The following GPC6 variants were observed in gnomAD, a reference collection of about 807,000 sequenced individuals.
GPC6 encodes the protein glypican-6.
In GPC6, 14 loss-of-function variants were observed where a neutral mutation model predicts 55.2. The ratio of observed to expected loss-of-function variants is 0.25; its 90% CI spans 0.17 to 0.40. The LOEUF (loss-of-function observed/expected upper bound fraction) is 0.40, where lower values mean the gene tolerates loss of function less well. Ranked by LOEUF, GPC6 falls within the 10% of genes least tolerant of loss-of-function variation. The pLI is 1.00. For synonymous variants in GPC6, 278 were observed against 259.6 expected, an observed-to-expected ratio of 1.07 and a Z score of -0.68; for missense variants, 641 against 708.5, an observed-to-expected ratio of 0.90 and a Z score of 1.08.
chr13:94,079,308 G>T (rs930575683), intron 4 of GPC6, among the ~76,000 whole-genome samples: 61 of 152,026 alleles, frequency 4.0e-4, no homozygotes, highest in African/African-American at 1.5e-3. Flanking sequence ...ACATTAGATA[G>T]AACTGCCAAT....
intron 1 of GPC6, among the ~76,000 whole-genome samples, chr13:93,336,760 A>G (rs1399132135): frequency 6.6e-6 from 1 of 152,062 alleles, no homozygotes; most frequent in Non-Finnish European, 1.5e-5. Context: ...ATTAATACCG[A>G]TGACTTGCAG....
intron 1 of GPC6, among the ~76,000 whole-genome samples, chr13:93,262,589 T>A (rs2139042257): frequency 6.6e-6 from 1 of 152,326 alleles, no homozygotes; most frequent in South Asian, 2.1e-4. Context: ...TATAGAAATA[T>A]TTATATTTCA....
intron 4 of GPC6, among the ~76,000 whole-genome samples, chr13:94,182,444 T>C (rs191833895): frequency 1.6e-4 from 24 of 152,296 alleles, no homozygotes; most frequent in African/African-American, 5.5e-4. Flanking sequence ...AGCTGAACTT[T>C]TGTGCTTCTG....
chr13:93,459,665 A>G (rs1371143567), intron 1 of GPC6, among the ~76,000 whole-genome samples: 1 of 151,938 alleles, frequency 6.6e-6, no homozygotes, highest in Non-Finnish European at 1.5e-5. Context: ...TTAATGTAAA[A>G]TTATGCCACA....
intron 2 of GPC6, among the ~76,000 whole-genome samples, chr13:93,692,575 G>A (rs1882296991): frequency 6.6e-6 from 1 of 152,086 alleles, no homozygotes. Context: ...TACTACATTT[G>A]CTTTAACATT....
At chr13:94,155,197 A>G (rs1274179535) in intron 4 of GPC6, among the ~76,000 whole-genome samples, 1 of 149,434 alleles carries the variant, frequency 6.7e-6, no homozygotes, top group East Asian at 2.0e-4. Flanking sequence ...ACCCCAAAAC[A>G]TGCCAGAAAC....
At chr13:93,686,103 C>A (rs1414984878) in intron 2 of GPC6, among the ~76,000 whole-genome samples, 1 of 152,038 alleles carries the variant, frequency 6.6e-6, no homozygotes, top group African/African-American at 2.4e-5. Context: ...TTTGATAAGT[C>A]AGCATTTATC....
At chr13:93,268,540 C>T (rs151325015) in intron 1 of GPC6, among the ~76,000 whole-genome samples, 35 of 151,568 alleles carry the variant, frequency 2.3e-4, no homozygotes, top group Middle Eastern at 3.4e-3. Flanking sequence ...GGAAGAGAGT[C>T]GATGGAGCCT....
intron 3 of GPC6, among the ~76,000 whole-genome samples, chr13:93,838,565 C>T (rs1173614680): frequency 6.6e-6 from 1 of 152,092 alleles, no homozygotes; most frequent in Non-Finnish European, 1.5e-5. Context: ...AGCTGTGGAC[C>T]ACCAGCTAAG....
chr13:93,606,730 C>T (rs1320566120), intron 2 of GPC6, among the ~76,000 whole-genome samples: 5 of 152,280 alleles, frequency 3.3e-5, no homozygotes, highest in Non-Finnish European at 5.9e-5. Context: ...TACATCATTA[C>T]ATCTATAATA....
intron 1 of GPC6, among the ~76,000 whole-genome samples, chr13:93,363,503 A>C (rs190795986): frequency 0.017 from 2,510 of 151,888 alleles, 56 homozygotes; most frequent in African/African-American, 0.054. Flanking sequence ...CATGGTGTAT[A>C]TGTGCCACAT....
At chr13:93,571,973 ACT>A (rs1330671026) in intron 2 of GPC6, among the ~76,000 whole-genome samples, 1 of 152,136 alleles carries the variant, frequency 6.6e-6, no homozygotes, top group Non-Finnish European at 1.5e-5. Context: ...TACCATTATA[ACT>A]CTGCAAAGTG....
chr13:94,394,480 A>C (rs2139223113), intron 7 of GPC6, among the ~76,000 whole-genome samples: 1 of 152,292 alleles, frequency 6.6e-6, no homozygotes, highest in East Asian at 1.9e-4. Flanking sequence ...ACTGTGCAAA[A>C]CCCAATAAAA....
intron 1 of GPC6, among the ~76,000 whole-genome samples, chr13:93,406,511 CT>C (rs1876295706): frequency 6.6e-6 from 1 of 152,132 alleles, no homozygotes; most frequent in Admixed American, 6.6e-5. Flanking sequence ...AAGTAATTTA[CT>C]TCTATAAGTA....
chr13:94,206,276 G>T (rs1294430424), intron 4 of GPC6, among the ~76,000 whole-genome samples: 1 of 152,124 alleles, frequency 6.6e-6, no homozygotes, highest in Non-Finnish European at 1.5e-5. Context: ...TTCTTTTGTT[G>T]TTCTTGTTTG....
At chr13:94,221,896 A>G (rs1890396459) in intron 4 of GPC6, among the ~76,000 whole-genome samples, 2 of 152,122 alleles carry the variant, frequency 1.3e-5, no homozygotes, top group African/African-American at 4.8e-5. Flanking sequence ...GCCATTGGAT[A>G]TCATTAATTT....
At chr13:93,865,296 T>G (rs1888927544) in intron 3 of GPC6, among the ~76,000 whole-genome samples, 1 of 151,640 alleles carries the variant, frequency 6.6e-6, no homozygotes, top group African/African-American at 2.4e-5. Context: ...AAAGCAAGTT[T>G]TCTATCTATT....
intron 3 of GPC6, among the ~76,000 whole-genome samples, chr13:94,008,036 T>G (rs1028561227): frequency 6.6e-6 from 1 of 152,192 alleles, no homozygotes; most frequent in African/African-American, 2.4e-5. Context: ...TCATAAATTT[T>G]TTTTCTAGTT....
At chr13:94,289,586 G>T (rs1403487050) in intron 5 of GPC6, among the ~76,000 whole-genome samples, 1 of 152,190 alleles carries the variant, frequency 6.6e-6, no homozygotes, top group Non-Finnish European at 1.5e-5. Flanking sequence ...CAAATCCATG[G>T]AATTTGTGGC....
Sources: allele counts gnomAD v4.1 joint callset (sites outside exome capture counted in the v4.1 genomes callset), GRCh38; gene constraint gnomAD v4.1.1; transcripts MANE v1.5; gene names NCBI Gene and HGNC (gene_info 2026-07-23, HGNC 2026-07-21).